KCNK1: variants seen among roughly 807,000 people sequenced by gnomAD.
KCNK1 encodes the protein potassium two pore domain channel subfamily K member 1.
Under a neutral mutation model 22.2 loss-of-function variants are expected in KCNK1, and 10 were observed. That is an observed-to-expected ratio of 0.45 (90% CI 0.28 to 0.76). The LOEUF is 0.76. Among genes scored for constraint, KCNK1 ranks in the 30% least tolerant of loss-of-function variants. The pLI is 0.14. For synonymous variants in KCNK1, 200 were observed against 186.4 expected, an observed-to-expected ratio of 1.07 and a Z score of -0.60; for missense variants, 378 against 421.0, an observed-to-expected ratio of 0.90 and a Z score of 0.89.
At chr1:233,615,728 T>C (rs1269091626) in intron 1 of KCNK1, among the ~76,000 whole-genome samples, 1 of 148,264 alleles carries the variant, frequency 6.7e-6, no homozygotes, top group East Asian at 2.1e-4. Context: ...TCTTCCTTCC[T>C]CCCCACCCCC....
intron 1 of KCNK1, among the ~76,000 whole-genome samples, chr1:233,656,692 C>T (rs1658305436): frequency 9.2e-5 from 14 of 152,220 alleles, no homozygotes; most frequent in Admixed American, 8.5e-4. Flanking sequence ...GATCATGGCT[C>T]ACTGCAGCCT....
intron 1 of KCNK1, chr1:233,631,349 C>A: frequency 1.9e-6 from 1 of 517,078 alleles, no homozygotes; most frequent in Non-Finnish European, 4.0e-6. Context: ...GAATCACTGC[C>A]CTGAGACACA....
chr1:233,627,611 A>G (rs1263018701), intron 1 of KCNK1, among the ~76,000 whole-genome samples: 4 of 82,104 alleles, frequency 4.9e-5, no homozygotes, highest in Non-Finnish European at 9.2e-5. Context: ...TGCACCTCGC[A>G]GTGGGAGGGT....
intron 1 of KCNK1, among the ~76,000 whole-genome samples, chr1:233,615,708 G>A (rs1657478421): frequency 6.6e-6 from 1 of 151,646 alleles, no homozygotes; most frequent in Non-Finnish European, 1.5e-5. Context: ...CCCTTTGTGT[G>A]ACTCCCAACT....
intron 1 of KCNK1, among the ~76,000 whole-genome samples, chr1:233,654,105 C>T (rs188082241): frequency 2.4e-4 from 37 of 151,480 alleles, no homozygotes; most frequent in African/African-American, 7.8e-4. Context: ...ATGAACAGAA[C>T]GTTGGCAGAA....
In KCNK1 at chr1:233,627,584, G is replaced by A. The variant is rs545731025; in HGVS notation, c.355+13058G>A. On this transcript the variant is annotated intron_variant, in intron 1 of 2. Coordinates refer to ENST00000366621, the MANE Select transcript of KCNK1 (RefSeq NM_002245.4). Reference sequence around the variant, plus strand: ...CTCAGAAAAACAGTCTGTCGCCCACGGGCCAGCTCCAGCAGATGCACCTCG... The same window carrying A: ...CTCAGAAAAACAGTCTGTCGCCCACAGGCCAGCTCCAGCAGATGCACCTCG... 2.0e-3 allele frequency among the ~76,000 whole-genome samples: 306 copies of A among 150,568 alleles called. 3 individuals carry two copies. The highest frequency in any genetic ancestry group is 7.0e-3 in the African/African-American group (285 of 40,948).
intron 1 of KCNK1, among the ~76,000 whole-genome samples, chr1:233,615,543 T>C (rs139488336): frequency 1.3e-3 from 201 of 152,314 alleles, no homozygotes; most frequent in African/African-American, 4.7e-3. Flanking sequence ...CTTCTTTTGA[T>C]CTATGAGATC....
At chr1:233,627,448 C>T (rs773468788) in intron 1 of KCNK1, among the ~76,000 whole-genome samples, 3 of 152,158 alleles carry the variant, frequency 2.0e-5, no homozygotes, top group Non-Finnish European at 4.4e-5. Flanking sequence ...AGAGGCTGTT[C>T]CGCAGCTGCC....
intron 1 of KCNK1, among the ~76,000 whole-genome samples, chr1:233,664,867 G>A (rs1693210): frequency 0.36 from 54,738 of 152,052 alleles, 10,167 homozygotes; most frequent in East Asian, 0.53. Context: ...ATAATCACCT[G>A]TGTGGATTTT....
intron 1 of KCNK1, among the ~76,000 whole-genome samples, chr1:233,625,769 C>A (rs6693565): frequency 6.6e-6 from 1 of 151,942 alleles, no homozygotes; most frequent in Non-Finnish European, 1.5e-5. Context: ...ATGGCACTTA[C>A]GTAAAGAGTG....
chr1:233,671,691 A>G lies in KCNK1; in HGVS notation c.*161A>G. The G allele has an allele frequency of 1.3e-6, 1 of 799,578 alleles. No individual in the cohort carries two copies. The highest frequency in any genetic ancestry group is 1.9e-6 in the Non-Finnish European group (1 of 518,266). The allele number at this position is 799,578 out of a possible 1,614,324, so 49.5% of individuals were successfully genotyped here. A position where few individuals can be genotyped will look rare whatever the true frequency, so the allele number is the denominator to read the frequency against. ...ATTAAAAAACAACAAAAAAAGACAA[A>G]TGGAACAAAGAAGCTGTGACCCCAG... is the stretch of plus-strand genomic sequence containing the variant. On this transcript the variant is annotated 3_prime_UTR_variant, in exon 3 of 3. Coordinates refer to ENST00000366621, the MANE Select transcript of KCNK1 (RefSeq NM_002245.4).
intron 1 of KCNK1, among the ~76,000 whole-genome samples, chr1:233,657,744 T>A (rs1363566728): frequency 1.3e-5 from 2 of 152,196 alleles, no homozygotes; most frequent in East Asian, 3.8e-4. Context: ...CAGCCTGGTC[T>A]GTTACCTATG....
intron 1 of KCNK1, among the ~76,000 whole-genome samples, chr1:233,633,057 G>C (rs180921267): frequency 6.6e-6 from 1 of 151,900 alleles, no homozygotes; most frequent in Non-Finnish European, 1.5e-5. Flanking sequence ...ACTTGGGTTT[G>C]CTTCTGTCTG....
intron 1 of KCNK1, among the ~76,000 whole-genome samples, chr1:233,635,111 G>GT (rs896285262): frequency 7.3e-5 from 11 of 151,274 alleles, no homozygotes; most frequent in Admixed American, 2.6e-4. Context: ...ATATCCAAGT[G>GT]TTTTTTTTCT....
chr1:233,624,689 C>G (rs1006475016), intron 1 of KCNK1, among the ~76,000 whole-genome samples: 3 of 152,186 alleles, frequency 2.0e-5, no homozygotes, highest in East Asian at 1.9e-4. Flanking sequence ...GATGAGGAAA[C>G]AGAGGCCTGC....
chr1:233,615,309 C>A (rs1194181375), intron 1 of KCNK1, among the ~76,000 whole-genome samples: 1 of 152,218 alleles, frequency 6.6e-6, no homozygotes, highest in Non-Finnish European at 1.5e-5. Context: ...CTTCGAAGCG[C>A]CACGTCCCCG....
In KCNK1 at chr1:233,666,820, GCTT is replaced by G; in HGVS notation, c.589_591del (p.Phe197del). The G allele has an allele frequency of 6.2e-7, 1 of 1,614,196 alleles. No homozygotes were observed. ...CTCCTTGGGTTTGTCACTGTGTCCT[GCTT>G]CTTCTTCATCCCGGCCGCTGTCTTC... On this transcript the variant is annotated inframe_deletion, in exon 2 of 3. Coordinates refer to ENST00000366621, the MANE Select transcript of KCNK1 (RefSeq NM_002245.4).
chr1:233,631,818 T>TA (rs1320493819), intron 1 of KCNK1, among the ~76,000 whole-genome samples: 4 of 152,204 alleles, frequency 2.6e-5, no homozygotes, highest in African/African-American at 7.2e-5. Context: ...TGGTTTTTTT[T>TA]AAGCAAGTAA....
Position 233,666,962 on chromosome 1 carries a change from C to T in KCNK1, c.723C>T (p.Phe241=). The T allele has an allele frequency of 6.2e-7, 1 of 1,612,866 alleles. No homozygotes were observed. Among genetic ancestry groups the T allele is most frequent in the Non-Finnish European group, 8.5e-7 (1 of 1,179,498 alleles). The part of the protein sequence containing the change: ...YVPGEGYNQK[F]RELYKIGITC... ...CTGGGGAAGGCTACAATCAAAAATT[C>T]AGAGAGCTCTATAAGATTGGGATCA... is the stretch of plus-strand genomic sequence containing the variant. The change falls in exon 2 of 3, where the codon TTC becomes TTT. Residue 241 remains phenylalanine, a synonymous_variant. Transcript: ENST00000366621.
Sources: gnomAD v4.1 joint callset for allele counts (sites outside exome capture counted in the v4.1 genomes callset) on GRCh38, gnomAD v4.1.1 for gene constraint, MANE v1.5 for transcripts, NCBI Gene and HGNC (gene_info 2026-07-23, HGNC 2026-07-21) for gene names.